Variants in CNOT6 observed in about 807,000 individuals in gnomAD.
The protein encoded by CNOT6 is CCR4-NOT transcription complex subunit 6, also known as carbon catabolite repression 4 protein.
A neutral mutation model predicts 61.2 loss-of-function variants in CNOT6; 12 were observed. That is an observed-to-expected ratio of 0.20 (90% CI 0.13 to 0.32). CNOT6 has a LOEUF of 0.32. CNOT6 is among the 10% of genes least tolerant of loss of function. The probability of loss-of-function intolerance (pLI) is 1.00; values close to 1 mark genes in which losing one functional copy is unlikely to be tolerated. For missense variants in CNOT6, 405 were observed against 663.9 expected, an observed-to-expected ratio of 0.61 and a Z score of 4.28; for synonymous variants, 225 against 240.6, an observed-to-expected ratio of 0.94 and a Z score of 0.60.
At chr5:180,518,102 T>C (rs531425181) in intron 1 of CNOT6, among the ~76,000 whole-genome samples, 3 of 152,188 alleles carry the variant, frequency 2.0e-5, no homozygotes, top group African/African-American at 4.8e-5. Context: ...GTTATCTCTC[T>C]TTTGTTTTGG....
At chr5:180,527,136 G>C (rs2127718798) in intron 1 of CNOT6, among the ~76,000 whole-genome samples, 1 of 152,240 alleles carries the variant, frequency 6.6e-6, no homozygotes, top group Non-Finnish European at 1.5e-5. Flanking sequence ...TGGGATTACA[G>C]GCATGAGCCA....
chr5:180,538,589 TAGGC>T (rs1344965425), intron 2 of CNOT6, among the ~76,000 whole-genome samples: 1 of 150,510 alleles, frequency 6.6e-6, no homozygotes, highest in Admixed American at 6.6e-5. Context: ...TCAGGAGGCC[TAGGC>T]AGGAGAATTG....
intron 1 of CNOT6, among the ~76,000 whole-genome samples, chr5:180,507,650 C>A (rs905690774): frequency 2.6e-5 from 4 of 152,116 alleles, no homozygotes; most frequent in Non-Finnish European, 5.9e-5. Flanking sequence ...ACTTGTATTT[C>A]TAGGACTGTC....
chr5:180,574,259 AG>A lies in CNOT6; in HGVS notation c.*63del. ...TGTAAACTTGTGAAAATCTGAACAT[AG>A]GGGAGTGAGGTATGGCCACTGAGGA... is the stretch of plus-strand genomic sequence containing the variant. On this transcript the variant is annotated 3_prime_UTR_variant, in exon 12 of 12. Transcript: ENST00000261951. 2 of 1,395,060 alleles carry A rather than the reference AG, an allele frequency of 1.4e-6. No homozygotes were observed. The highest frequency in any genetic ancestry group is 2.0e-6 in the Non-Finnish European group (2 of 982,118). 86.4% of individuals were successfully genotyped at this position (1,395,060 alleles called of 1,614,324 possible).
At chr5:180,555,902 C>A (rs1273457323) in intron 4 of CNOT6, among the ~76,000 whole-genome samples, 2 of 152,142 alleles carry the variant, frequency 1.3e-5, no homozygotes, top group Non-Finnish European at 2.9e-5. Context: ...ACTTTTTCCC[C>A]CCACATTTTT....
chr5:180,572,956 T>C (rs1303808342), intron 11 of CNOT6, among the ~76,000 whole-genome samples: 1 of 152,194 alleles, frequency 6.6e-6, no homozygotes, highest in Non-Finnish European at 1.5e-5. Context: ...ATCATTTAGA[T>C]TAGACTGTCA....
intron 8 of CNOT6, 73 bp from the exon 9 acceptor site, chr5:180,567,776 T>G: frequency 6.2e-7 from 1 of 1,603,040 alleles, no homozygotes; most frequent in Non-Finnish European, 8.5e-7. Context: ...TTGGGAAAAC[T>G]GCGTTTCCCA....
chr5:180,560,822 C>T (rs943184845), intron 4 of CNOT6, among the ~76,000 whole-genome samples: 9 of 152,122 alleles, frequency 5.9e-5, no homozygotes, highest in Non-Finnish European at 1.2e-4. Flanking sequence ...TCAGCCCTGT[C>T]CTCCGTGTCC....
chr5:180,531,937 C>T (rs907045533), intron 2 of CNOT6, among the ~76,000 whole-genome samples: 13 of 152,228 alleles, frequency 8.5e-5, no homozygotes, highest in African/African-American at 3.1e-4. Context: ...GGCGGCAGTA[C>T]AGTCCAGCCT....
At chr5:180,517,744 A>G (rs938375245) in intron 1 of CNOT6, among the ~76,000 whole-genome samples, 1 of 151,588 alleles carries the variant, frequency 6.6e-6, no homozygotes, top group Non-Finnish European at 1.5e-5. Flanking sequence ...GGGTTTCACC[A>G]TGTTGGCTAG....
chr5:180,518,006 C>A (rs932490445), intron 1 of CNOT6, among the ~76,000 whole-genome samples: 1 of 115,724 alleles, frequency 8.6e-6, no homozygotes, highest in Non-Finnish European at 2.2e-5. Context: ...TCCCCCATCT[C>A]CCCCTCTCTC....
At chr5:180,526,246 G>T (rs1442179029) in intron 1 of CNOT6, among the ~76,000 whole-genome samples, 2 of 152,180 alleles carry the variant, frequency 1.3e-5, no homozygotes, top group Non-Finnish European at 1.5e-5. Context: ...AAAGTAGCTG[G>T]AGCGAGAAAT....
rs917021312 is a variant in CNOT6, at chr5:180,531,657, G to A, written c.112+2269G>A. Among the ~76,000 whole-genome samples, 8 of 152,198 alleles carry A rather than the reference G, an allele frequency of 5.3e-5. No homozygotes were observed. The South Asian group carries it at 6.2e-4, about 12-fold the overall frequency. ...GCGGCTGGGAGGTGGAGGTTGTAGC[G>A]AGCCGAGATCACGCCACTGCACTCC... is the stretch of plus-strand genomic sequence containing the variant. On this transcript the variant is annotated intron_variant, in intron 2 of 11. Transcript: ENST00000261951.
intron 4 of CNOT6, among the ~76,000 whole-genome samples, chr5:180,562,308 A>G (rs1760227947): frequency 6.6e-6 from 1 of 152,300 alleles, no homozygotes; most frequent in African/African-American, 2.4e-5. Flanking sequence ...CATCTACCCT[A>G]AAGTAACTTC....
In CNOT6 at chr5:180,495,812, A is replaced by G. The variant is rs911129305; in HGVS notation, c.-3+1049A>G. 11 of 152,282 alleles carry G rather than the reference A, an allele frequency of 7.2e-5. 1 individual carries two copies. In the East Asian group the frequency reaches 1.9e-3, roughly 27 times the overall value. The allele number at this position is 152,282 out of a possible 1,614,324, so 9.4% of individuals were successfully genotyped here. A position where few individuals can be genotyped will look rare whatever the true frequency, so the allele number is the denominator to read the frequency against. On this transcript the variant is annotated intron_variant, in intron 1 of 11. Coordinates refer to ENST00000261951, the MANE Select transcript of CNOT6 (RefSeq NM_001370472.1). ...ATACTAGAATTTACTACTCTAGAAC[A>G]GATTAGTAGGCTGTAGGAGTGGACG...
chr5:180,533,331 T>G (rs1758494395), intron 2 of CNOT6, among the ~76,000 whole-genome samples: 2 of 119,762 alleles, frequency 1.7e-5, no homozygotes, highest in South Asian at 5.4e-4. Context: ...TATATATATA[T>G]ATATATATAT....
chr5:180,528,497 A>C (rs1334348978), intron 1 of CNOT6, among the ~76,000 whole-genome samples: 1 of 150,760 alleles, frequency 6.6e-6, no homozygotes, highest in Non-Finnish European at 1.5e-5. Context: ...TTGTATTTTT[A>C]GTAGAGATGG....
At chr5:180,515,176 G>A (rs1380014544) in intron 1 of CNOT6, among the ~76,000 whole-genome samples, 2 of 151,966 alleles carry the variant, frequency 1.3e-5, no homozygotes, top group Non-Finnish European at 2.9e-5. Flanking sequence ...CCAGCACTTC[G>A]GGAGGTCGAG....
At chr5:180,546,510 C>A (rs1759320999) in intron 2 of CNOT6, among the ~76,000 whole-genome samples, 1 of 152,164 alleles carries the variant, frequency 6.6e-6, no homozygotes. Flanking sequence ...CAGATAATAG[C>A]CCAACAGTAC....
Sources: allele counts gnomAD v4.1 joint callset (sites outside exome capture counted in the v4.1 genomes callset), GRCh38; gene constraint gnomAD v4.1.1; transcripts MANE v1.5; gene names NCBI Gene and HGNC (gene_info 2026-07-23, HGNC 2026-07-21).